Variants in CSMD2 observed in about 807,000 individuals in gnomAD.
The protein encoded by CSMD2 is CUB and Sushi multiple domains 2.
In CSMD2, 130 loss-of-function variants were observed where a neutral mutation model predicts 398.5. The observed-to-expected ratio is 0.33, with a 90% CI of 0.28 to 0.38. The LOEUF is 0.38. Ranked by LOEUF, CSMD2 falls within the 10% of genes least tolerant of loss-of-function variation. The pLI is 1.00. For synonymous variants in CSMD2, 1,828 were observed against 1,908.5 expected, an observed-to-expected ratio of 0.96 and a Z score of 1.10; for missense variants, 3,829 against 4,764.9, an observed-to-expected ratio of 0.80 and a Z score of 5.78.
intron 6 of CSMD2, among the ~76,000 whole-genome samples, chr1:33,829,731 G>A (rs1402270362): frequency 6.6e-6 from 1 of 152,216 alleles, no homozygotes; most frequent in East Asian, 1.9e-4. Flanking sequence ...AAGTGCAAGG[G>A]ATCAGGGAGT....
At chr1:34,111,844 A>T (rs1661109595) in intron 1 of CSMD2, among the ~76,000 whole-genome samples, 1 of 152,132 alleles carries the variant, frequency 6.6e-6, no homozygotes, top group Non-Finnish European at 1.5e-5. Context: ...GGCCTAAAAG[A>T]GCTGACCAGA....
intron 58 of CSMD2, among the ~76,000 whole-genome samples, chr1:33,542,019 G>A (rs1478149230): frequency 6.6e-6 from 1 of 152,190 alleles, no homozygotes; most frequent in African/African-American, 2.4e-5. Context: ...ATATCATTGA[G>A]GGTGGGGCTT....
At chr1:33,891,285 A>G (rs1642000038) in intron 5 of CSMD2, among the ~76,000 whole-genome samples, 1 of 151,648 alleles carries the variant, frequency 6.6e-6, no homozygotes, top group Admixed American at 6.6e-5. Flanking sequence ...GCAGCCAAAA[A>G]ACACATGAAA....
intron 25 of CSMD2, among the ~76,000 whole-genome samples, chr1:33,666,294 A>G (rs1428312358): frequency 6.6e-6 from 1 of 152,128 alleles, no homozygotes; most frequent in African/African-American, 2.4e-5. Context: ...TTATATACAC[A>G]TTGATTAATT....
Position 33,542,991 on chromosome 1 carries a change from C to T in CSMD2, c.9101-95G>A, listed in dbSNP as rs182503622. ...CCAGAGTGGAAGCCACATGCTACCTCGGGACCTCGTGGATAGAAATGCCTC... is the reference window on the plus strand; with the variant it reads ...CCAGAGTGGAAGCCACATGCTACCTTGGGACCTCGTGGATAGAAATGCCTC... On this transcript the variant is annotated intron_variant, in intron 57 of 70. Transcript: ENST00000373381. 136 of 1,015,588 alleles carry T rather than the reference C, an allele frequency of 1.3e-4. 1 individual carries two copies. Among genetic ancestry groups the T allele is most frequent in the Middle Eastern group, 6.8e-4 (3 of 4,438 alleles). 62.9% of individuals were successfully genotyped at this position (1,015,588 alleles called of 1,614,324 possible). A position where few individuals can be genotyped will look rare whatever the true frequency, so the allele number is the denominator to read the frequency against.
At chr1:33,767,014 T>A (rs1430669311) in intron 13 of CSMD2, among the ~76,000 whole-genome samples, 1 of 152,190 alleles carries the variant, frequency 6.6e-6, no homozygotes, top group Non-Finnish European at 1.5e-5. Flanking sequence ...AAATTTATTC[T>A]AAGGAAATAA....
chr1:33,568,991 T>A (rs1363115916), intron 52 of CSMD2, among the ~76,000 whole-genome samples: 1 of 152,212 alleles, frequency 6.6e-6, no homozygotes, highest in Non-Finnish European at 1.5e-5. Flanking sequence ...CTATATGTTG[T>A]GTGTAAAATT....
At chr1:33,837,597 T>C (rs961000356) in intron 6 of CSMD2, among the ~76,000 whole-genome samples, 3 of 152,234 alleles carry the variant, frequency 2.0e-5, no homozygotes, top group Admixed American at 6.5e-5. Context: ...CCCTTACCCA[T>C]GCATACATGC....
At chr1:33,974,970 C>A (rs184300233) in intron 3 of CSMD2, among the ~76,000 whole-genome samples, 10 of 152,306 alleles carry the variant, frequency 6.6e-5, no homozygotes, top group Admixed American at 2.0e-4. Flanking sequence ...CCTGAGTCAG[C>A]CATGATGCCA....
intron 26 of CSMD2, among the ~76,000 whole-genome samples, chr1:33,660,913 C>T (rs945443674): frequency 5.3e-5 from 8 of 152,172 alleles, no homozygotes; most frequent in Non-Finnish European, 1.0e-4. Context: ...AGCTTCAAGA[C>T]GAGACAGAAT....
intron 4 of CSMD2, among the ~76,000 whole-genome samples, chr1:33,919,791 G>A (rs976281537): frequency 2.0e-5 from 3 of 152,102 alleles, no homozygotes; most frequent in Non-Finnish European, 2.9e-5. Context: ...AGGGCTTTAT[G>A]GAAGAGACAG....
chr1:33,866,951 A>C (rs1228697810), intron 5 of CSMD2, among the ~76,000 whole-genome samples: 2 of 152,254 alleles, frequency 1.3e-5, no homozygotes, highest in Admixed American at 1.3e-4. Flanking sequence ...TCCTAAATCT[A>C]ATAGGTAATA....
chr1:33,951,567 C>T (rs1007105641), intron 3 of CSMD2, among the ~76,000 whole-genome samples: 1 of 152,182 alleles, frequency 6.6e-6, no homozygotes, highest in Non-Finnish European at 1.5e-5. Context: ...GGCTTTCTCC[C>T]ACCTACCCCC....
At chr1:34,004,541 CAAT>C (rs1470330136) in intron 3 of CSMD2, among the ~76,000 whole-genome samples, 1 of 151,980 alleles carries the variant, frequency 6.6e-6, no homozygotes, top group African/African-American at 2.4e-5. Flanking sequence ...AGCACGCCAT[CAAT>C]AATAACATGT....
chr1:33,766,833 G>A (rs1650566668), intron 13 of CSMD2, among the ~76,000 whole-genome samples: 1 of 152,174 alleles, frequency 6.6e-6, no homozygotes, highest in Non-Finnish European at 1.5e-5. Flanking sequence ...TGAAATAGAG[G>A]CATGCCATGT....
At chr1:33,541,493 G>T (rs572298754) in intron 58 of CSMD2, among the ~76,000 whole-genome samples, 184 bp from the exon 59 acceptor site, 72 of 152,162 alleles carry the variant, frequency 4.7e-4, no homozygotes, top group Middle Eastern at 3.4e-3. Context: ...TTAAGTCAGG[G>T]TCTTACTCTG....
At position 33,586,481 on chromosome 1, in the gene CSMD2, C is replaced by A. The variant is rs373029080; in HGVS notation, c.7051+23G>T. 1.2e-5 allele frequency: 18 copies of A among 1,500,060 alleles called. No individual in the cohort carries two copies. In the African/African-American group the frequency reaches 2.5e-4, roughly 21 times the overall value. The allele number at this position is 1,500,060 out of a possible 1,614,324, so 92.9% of individuals were successfully genotyped here. On this transcript the variant is annotated intron_variant, in intron 46 of 70. Coordinates refer to ENST00000373381, the MANE Select transcript of CSMD2 (RefSeq NM_001281956.2). ...TCAGGAGGAACTTCTAGGCCCCATA[C>A]AGATGCGGCTCCATGCAATTACCTT... is the stretch of plus-strand genomic sequence containing the variant.
intron 2 of CSMD2, among the ~76,000 whole-genome samples, chr1:34,062,614 A>G (rs748478134): frequency 2.4e-4 from 36 of 152,302 alleles, no homozygotes; most frequent in Admixed American, 1.1e-3. Context: ...GTCCATCCCG[A>G]GGGTGGGACA....
chr1:33,638,437 AT>A (rs1642928362), intron 29 of CSMD2, among the ~76,000 whole-genome samples: 1 of 152,256 alleles, frequency 6.6e-6, no homozygotes, highest in Admixed American at 6.5e-5. Flanking sequence ...GTAGTCCCCA[AT>A]AACCACTTTC....
Sources: allele counts gnomAD v4.1 joint callset (sites outside exome capture counted in the v4.1 genomes callset), GRCh38; gene constraint gnomAD v4.1.1; transcripts MANE v1.5; gene names NCBI Gene and HGNC (gene_info 2026-07-23, HGNC 2026-07-21).